The following MACROD2 variants were observed in gnomAD, a reference collection of about 807,000 sequenced individuals.
The protein encoded by MACROD2 is ADP-ribose glycohydrolase MACROD2.
Under a neutral mutation model 70.4 loss-of-function variants are expected in MACROD2, and 36 were observed. The observed-to-expected ratio is 0.51, with a 90% CI of 0.39 to 0.68. The LOEUF is 0.68. MACROD2 is among the 30% of genes least tolerant of loss of function. MACROD2 has a pLI of 0.00. For synonymous variants in MACROD2, 172 were observed against 178.8 expected, an observed-to-expected ratio of 0.96 and a Z score of 0.30; for missense variants, 496 against 538.4, an observed-to-expected ratio of 0.92 and a Z score of 0.78.
At chr20:14,579,296 C>T (rs915302947) in intron 4 of MACROD2, among the ~76,000 whole-genome samples, 3 of 151,352 alleles carry the variant, frequency 2.0e-5, no homozygotes, top group South Asian at 2.1e-4. Context: ...CGCCCGCCAC[C>T]GCGCCCGGCT....
At position 15,780,991 on chromosome 20, in the gene MACROD2, A is replaced by T. The variant is rs1234444746; in HGVS notation, c.646-81754A>T. Among the ~76,000 whole-genome samples, 4 of 152,078 alleles carry T rather than the reference A, an allele frequency of 2.6e-5. No individual in the cohort carries two copies. The East Asian group carries it at 7.7e-4, about 29-fold the overall frequency. ...CTCATTCCTCCTTCTCCCTTTCCTTACCATGTTTCTCTAAATCCTAGCTAT... is the reference window on the plus strand; with the variant it reads ...CTCATTCCTCCTTCTCCCTTTCCTTTCCATGTTTCTCTAAATCCTAGCTAT... On this transcript the variant is annotated intron_variant, in intron 8 of 17. Coordinates refer to ENST00000684519, the MANE Select transcript of MACROD2 (RefSeq NM_001351661.2).
chr20:16,003,860 A>G (rs1019146898), intron 15 of MACROD2, among the ~76,000 whole-genome samples: 6 of 152,136 alleles, frequency 3.9e-5, no homozygotes, highest in African/African-American at 1.4e-4. Context: ...TAGCAGAGAC[A>G]GGGTTTCACC....
At chr20:14,723,925 G>A (rs1305112738) in intron 5 of MACROD2, among the ~76,000 whole-genome samples, 2 of 152,012 alleles carry the variant, frequency 1.3e-5, no homozygotes, top group African/African-American at 2.4e-5. Context: ...TCATTTTCCT[G>A]TGAGAAATGG....
intron 8 of MACROD2, among the ~76,000 whole-genome samples, chr20:15,782,479 G>A (rs1379110185): frequency 6.6e-6 from 1 of 151,920 alleles, no homozygotes; most frequent in Non-Finnish European, 1.5e-5. Context: ...TGCAAGAATG[G>A]CCTTTCTCCA....
intron 5 of MACROD2, among the ~76,000 whole-genome samples, chr20:14,847,671 C>A (rs2073158430): frequency 6.6e-6 from 1 of 151,912 alleles, no homozygotes; most frequent in African/African-American, 2.4e-5. Flanking sequence ...TTAGTTTTAT[C>A]AATAGATTAC....
chr20:14,889,067 T>C (rs1010635077), intron 5 of MACROD2, among the ~76,000 whole-genome samples: 4 of 152,182 alleles, frequency 2.6e-5, no homozygotes, highest in Admixed American at 6.5e-5. Context: ...TCTTATACTA[T>C]GGATTTTTTT....
At chr20:14,787,991 A>G (rs1335551565) in intron 5 of MACROD2, among the ~76,000 whole-genome samples, 1 of 152,026 alleles carries the variant, frequency 6.6e-6, no homozygotes, top group African/African-American at 2.4e-5. Context: ...AGGGCTTTCT[A>G]TTAAATTTAG....
intron 4 of MACROD2, among the ~76,000 whole-genome samples, chr20:14,558,582 A>C (rs183490055): frequency 6.6e-6 from 1 of 151,798 alleles, no homozygotes; most frequent in Non-Finnish European, 1.5e-5. Context: ...ACATTATTAG[A>C]GCTAAAGAGA....
intron 5 of MACROD2, among the ~76,000 whole-genome samples, chr20:15,008,754 C>CT (rs1166416545): frequency 2.2e-4 from 34 of 152,212 alleles, no homozygotes; most frequent in Admixed American, 1.4e-3. Flanking sequence ...ACTGGAGCCA[C>CT]TTTATCTGTT....
chr20:15,634,336 T>C (rs1205227669), intron 8 of MACROD2, among the ~76,000 whole-genome samples: 5 of 152,230 alleles, frequency 3.3e-5, no homozygotes, highest in Admixed American at 1.3e-4. Flanking sequence ...CCTGTTTGAA[T>C]GGTGATTTGA....
At chr20:14,585,199 T>C (rs1198906669) in intron 4 of MACROD2, among the ~76,000 whole-genome samples, 1 of 152,144 alleles carries the variant, frequency 6.6e-6, no homozygotes, top group African/African-American at 2.4e-5. Context: ...CGGAACAGCG[T>C]AATTGGAAGG....
At chr20:15,359,153 C>T (rs1053078818) in intron 6 of MACROD2, among the ~76,000 whole-genome samples, 4 of 152,058 alleles carry the variant, frequency 2.6e-5, no homozygotes, top group Non-Finnish European at 4.4e-5. Context: ...ACATTTATAA[C>T]TTAATGTAAT....
chr20:15,758,017 T>A (rs1229762940), intron 8 of MACROD2, among the ~76,000 whole-genome samples: 1 of 152,208 alleles, frequency 6.6e-6, no homozygotes, highest in Non-Finnish European at 1.5e-5. Flanking sequence ...ATATTGCCTT[T>A]GGCTTATCCA....
At chr20:14,858,421 C>G (rs1181816390) in intron 5 of MACROD2, among the ~76,000 whole-genome samples, 3 of 152,008 alleles carry the variant, frequency 2.0e-5, no homozygotes, top group African/African-American at 7.2e-5. Flanking sequence ...ATGCAAAAAT[C>G]TCAAAACTTA....
chr20:15,106,843 G>A (rs1344690884), intron 5 of MACROD2, among the ~76,000 whole-genome samples: 1 of 151,786 alleles, frequency 6.6e-6, no homozygotes, highest in Non-Finnish European at 1.5e-5. Flanking sequence ...ATCTGCCATA[G>A]ATATTTGGTA....
intron 3 of MACROD2, among the ~76,000 whole-genome samples, chr20:14,440,213 A>G (rs2084106123): frequency 1.3e-5 from 2 of 152,190 alleles, no homozygotes; most frequent in African/African-American, 4.8e-5. Flanking sequence ...GGGTCTTGCA[A>G]TGATTAAATG....
chr20:14,287,440 C>T (rs2082354242), intron 3 of MACROD2, among the ~76,000 whole-genome samples: 2 of 103,718 alleles, frequency 1.9e-5, no homozygotes, highest in South Asian at 2.8e-4. Flanking sequence ...TCATTGCAGC[C>T]TACGTTTATC....
intron 5 of MACROD2, among the ~76,000 whole-genome samples, chr20:15,215,444 A>G (rs1199190315): frequency 5.3e-5 from 8 of 152,118 alleles, no homozygotes; most frequent in Non-Finnish European, 1.2e-4. Context: ...TAAAATATCT[A>G]TTTGCATAAT....
intron 5 of MACROD2, among the ~76,000 whole-genome samples, chr20:14,832,836 G>A (rs1184387781): frequency 1.3e-5 from 2 of 152,104 alleles, no homozygotes; most frequent in Non-Finnish European, 2.9e-5. Context: ...TAGAGAGTGA[G>A]CTAAGAACAG....
Sources: gnomAD v4.1 joint callset for allele counts (sites outside exome capture counted in the v4.1 genomes callset) on GRCh38, gnomAD v4.1.1 for gene constraint, MANE v1.5 for transcripts, NCBI Gene and HGNC (gene_info 2026-07-23, HGNC 2026-07-21) for gene names.